CACNA1B: variants seen among roughly 807,000 people sequenced by gnomAD.
The protein encoded by CACNA1B is voltage-dependent N-type calcium channel subunit alpha-1B.
CACNA1B carries 70 observed loss-of-function variants against 247.2 expected under a neutral mutation model. The ratio of observed to expected loss-of-function variants is 0.28; its 90% confidence interval spans 0.23 to 0.35. The LOEUF is 0.35. Ranked by LOEUF, CACNA1B falls within the 10% of genes least tolerant of loss-of-function variation. The pLI is 1.00. For synonymous variants in CACNA1B, 1,231 were observed against 1,294.4 expected (o/e 0.95, Z 1.05); for missense variants, 2,367 against 3,197.4 (o/e 0.74, Z 6.26).
At chr9:137,892,023 T>C (rs1385303456) in intron 3 of CACNA1B, 1 of 457,184 alleles carries the variant, frequency 2.2e-6, no homozygotes. Context: ...CCTCACTCAG[T>C]GTGCGGCCTC....
rs1959657072 is a variant in CACNA1B, at chr9:138,059,778, G to T, written c.4668+41G>T. On this transcript the variant is annotated intron_variant, in intron 31 of 46. Coordinates refer to ENST00000371372, the MANE Select transcript of CACNA1B (RefSeq NM_000718.4). The surrounding 1 kb of genome is among the most constrained non-coding windows in gnomAD (Gnocchi z 4.2). ...GTCCCTCCTTCAGGGTCCCCAGGTG[G>T]TTTCCTTCTAGAGCCTGCTCCCCTC... 1.6e-6 allele frequency: 2 copies of T among 1,223,154 alleles called. No homozygotes were observed. The highest frequency in any genetic ancestry group is 1.2e-5 in the South Asian group (1 of 82,968). 75.8% of individuals were successfully genotyped at this position (1,223,154 alleles called of 1,614,324 possible).
intron 31 of CACNA1B, among the ~76,000 whole-genome samples, chr9:138,062,115 T>C (rs1959745923): frequency 6.6e-6 from 1 of 152,172 alleles, no homozygotes; most frequent in Admixed American, 6.5e-5. Flanking sequence ...TGTCTGCCTC[T>C]CACCTAGACC....
In CACNA1B at chr9:138,011,187, C is replaced by T. The variant is rs1477914100; in HGVS notation, c.2160+1110C>T. 6.6e-6 allele frequency among the ~76,000 whole-genome samples: 1 copy of T among 152,204 alleles called. No homozygotes were observed. Among genetic ancestry groups the T allele is most frequent in the Non-Finnish European group, 1.5e-5 (1 of 68,044 alleles). Reference sequence around the variant, plus strand: ...GCTTGGGTTGGGGGAGCCCAAGCCCCCACAGAGCTCTCCTTGGTGCCGGGG... The same window carrying T: ...GCTTGGGTTGGGGGAGCCCAAGCCCTCACAGAGCTCTCCTTGGTGCCGGGG... On this transcript the variant is annotated intron_variant, in intron 17 of 46. Coordinates refer to ENST00000371372, the MANE Select transcript of CACNA1B (RefSeq NM_000718.4). The surrounding 1 kb of genome is among the most constrained non-coding windows in gnomAD (Gnocchi z 4.2).
At chr9:138,079,346 T>G (rs574536525) in intron 36 of CACNA1B, among the ~76,000 whole-genome samples, 8 of 151,750 alleles carry the variant, frequency 5.3e-5, no homozygotes, top group Non-Finnish European at 1.2e-4. Flanking sequence ...GAAACTGAGG[T>G]GGAGCAGTCC....
chr9:137,965,309 T>C (rs765440660), intron 10 of CACNA1B, among the ~76,000 whole-genome samples: 8 of 152,266 alleles, frequency 5.3e-5, no homozygotes, highest in Non-Finnish European at 1.2e-4. Flanking sequence ...GAAGCCTGAA[T>C]GACCAAAGTG....
At chr9:137,906,311 C>T (rs1166809809) in intron 3 of CACNA1B, among the ~76,000 whole-genome samples, 15 of 152,246 alleles carry the variant, frequency 9.9e-5, no homozygotes, top group Admixed American at 2.6e-4. Flanking sequence ...TGTCAGAGAG[C>T]GTCCTGGTGC....
chr9:137,902,876 T>C (rs965638982), intron 3 of CACNA1B, among the ~76,000 whole-genome samples: 4 of 152,234 alleles, frequency 2.6e-5, no homozygotes, highest in Admixed American at 2.6e-4. Flanking sequence ...GCATCTGATG[T>C]CCCGGCAACC....
chr9:137,878,314 G>C, intron 1 of CACNA1B, 97 bp downstream of exon 1: 16 of 1,053,644 alleles, frequency 1.5e-5, no homozygotes, highest in Non-Finnish European at 1.9e-5. Flanking sequence ...GCGCGACCTG[G>C]GGAGGCGTCG....
At chr9:138,096,350 C>A in intron 36 of CACNA1B, 134 bp from the exon 37 acceptor site, 1 of 666,308 alleles carries the variant, frequency 1.5e-6, no homozygotes, top group Non-Finnish European at 2.6e-6. Flanking sequence ...GAGAGCAGAT[C>A]GGGCATGTGC....
intron 6 of CACNA1B, among the ~76,000 whole-genome samples, chr9:137,923,197 G>GTGGTGCCAGGTGGTATTCCA (rs1957506997): frequency 6.8e-6 from 1 of 147,278 alleles, no homozygotes; most frequent in African/African-American, 2.5e-5. Context: ...GTGGTATTCC[G>GTGGTGCCAGGTGGTATTCCA]TGGTGCCAGG....
intron 6 of CACNA1B, among the ~76,000 whole-genome samples, chr9:137,938,342 A>G (rs1158300825): frequency 6.6e-6 from 1 of 152,180 alleles, no homozygotes; most frequent in Non-Finnish European, 1.5e-5. Context: ...TTATATAACA[A>G]TAACAATTTT....
chr9:138,023,217 G>T lies in CACNA1B; in HGVS notation c.2474G>T (p.Gly825Val). The T allele has an allele frequency of 6.6e-7, 1 of 1,511,286 alleles. No homozygotes were observed. Among genetic ancestry groups the T allele is most frequent in the Non-Finnish European group, 8.8e-7 (1 of 1,138,278 alleles). 93.6% of individuals were successfully genotyped at this position (1,511,286 alleles called of 1,614,324 possible). ...RPLVVELGRD[G>V]ARGPVGGKAR... ...CTGGTGGTGGAGCTGGGCCGCGACG[G>T]CGCGCGGGGGCCCGTGGGAGGCAAA... The change falls in exon 19 of 47, where the codon GGC becomes GTC. Residue 825 changes from glycine to valine, a missense_variant. Transcript: ENST00000371372.
intron 3 of CACNA1B, among the ~76,000 whole-genome samples, chr9:137,910,332 G>A (rs999358112): frequency 2.6e-5 from 4 of 152,096 alleles, no homozygotes; most frequent in Admixed American, 2.0e-4. Flanking sequence ...CTCCCTTTCT[G>A]TAGGTTTCTT....
chr9:138,120,253 A>G lies in CACNA1B; in HGVS notation c.6119A>G (p.Asp2040Gly). The change falls in exon 45 of 47, where the codon GAC (aspartate) becomes GGC (glycine). Residue 2040 changes from aspartate to glycine, a missense_variant. This residue lies in a region of CACNA1B where 773 missense variants were observed against 779.4 expected (regional missense o/e 0.99). Transcript: ENST00000371372. ...RGTHLCSTTP[D>G]RPPPSQASSH... is the part of the protein sequence containing the mutation. The stretch of plus-strand genomic sequence containing the variant: ...ACTCATCTTTGCAGCACCACCCCGG[A>G]CCGCCCACCCCCTAGCCAGGCGTCG... The G allele has an allele frequency of 6.2e-7, 1 of 1,602,778 alleles. No individual in the cohort carries two copies. The highest frequency in any genetic ancestry group is 8.5e-7 in the Non-Finnish European group (1 of 1,176,012).
In CACNA1B at chr9:137,881,323, T is replaced by A. The variant is rs2133218698; in HGVS notation, c.391-1421T>A. 6.6e-6 allele frequency among the ~76,000 whole-genome samples: 1 copy of A among 152,260 alleles called. No individual in the cohort carries two copies. The highest frequency in any genetic ancestry group is 6.5e-5 in the Admixed American group (1 of 15,302). ...TCTACCAGGTACTGCCAGCCAAGCCTTGGGCCAGCTCCACCACAGGACAGG... is the reference window on the plus strand; with the variant it reads ...TCTACCAGGTACTGCCAGCCAAGCCATGGGCCAGCTCCACCACAGGACAGG... On this transcript the variant is annotated intron_variant, in intron 2 of 46. Transcript: ENST00000371372. This position sits in a 1 kb window ranked among gnomAD's most constrained non-coding sequence, Gnocchi z 4.3.
chr9:137,945,904 C>T (rs1310435671), intron 6 of CACNA1B, among the ~76,000 whole-genome samples: 4 of 152,170 alleles, frequency 2.6e-5, no homozygotes, highest in Non-Finnish European at 4.4e-5. Flanking sequence ...CTGCAACCTC[C>T]GCCTTCCAGG....
chr9:138,023,037 G>A lies in CACNA1B; in HGVS notation c.2294G>A (p.Arg765His), dbSNP rs1958869002. Reference protein sequence around the residue: ...AARQQNSAKARSVWEQRASQL... With the variant: ...AARQQNSAKAHSVWEQRASQL... ...AGGCAGCAGAACTCGGCCAAGGCGCGCTCGGTGTGGGAGCAGCGGGCCAGC... is the reference window on the plus strand; with the variant it reads ...AGGCAGCAGAACTCGGCCAAGGCGCACTCGGTGTGGGAGCAGCGGGCCAGC... Residue 765 changes from arginine (R) to histidine (H), a missense_variant, in exon 19 of 47, where the codon CGC (arginine) becomes CAC (histidine). Arg to His is a conservative substitution (Grantham distance 29). This residue lies in a region of CACNA1B where 631 missense variants were observed against 631.1 expected (regional missense o/e 1.00). Transcript: ENST00000371372. 2 of 1,524,286 alleles carry A rather than the reference G, an allele frequency of 1.3e-6. No homozygotes were observed. The highest frequency in any genetic ancestry group is 2.5e-5 in the East Asian group (1 of 39,670). The allele number at this position is 1,524,286 out of a possible 1,614,324, so 94.4% of individuals were successfully genotyped here.
intron 3 of CACNA1B, among the ~76,000 whole-genome samples, chr9:137,906,260 C>T (rs1957297751): frequency 6.6e-6 from 1 of 152,216 alleles, no homozygotes; most frequent in African/African-American, 2.4e-5. Context: ...TTTGGCTTGC[C>T]AGGGTGACTC....
At chr9:138,028,214 G>C (rs1958945807) in intron 20 of CACNA1B, among the ~76,000 whole-genome samples, 1 of 151,546 alleles carries the variant, frequency 6.6e-6, no homozygotes, top group South Asian at 2.1e-4. Flanking sequence ...GTAGAGATAG[G>C]GTTTCGCCGT....
Sources: gnomAD v4.1 joint callset for allele counts (sites outside exome capture counted in the v4.1 genomes callset) on GRCh38, gnomAD v4.1.1 for gene constraint, gnomAD v4.1.1 regional missense constraint, Gnocchi (gnomAD v3.1) non-coding constraint, MANE v1.5 for transcripts, NCBI Gene and HGNC (gene_info 2026-07-23, HGNC 2026-07-21) for gene names.